Variants in TYW1 observed in about 807,000 individuals in gnomAD.
TYW1 encodes the protein S-adenosyl-L-methionine-dependent tRNA 4-demethylwyosine synthase TYW1.
TYW1 carries 46 observed loss-of-function variants against 96.2 expected under a neutral mutation model. The observed-to-expected ratio is 0.48, with a 90% confidence interval of 0.38 to 0.61. TYW1 has a LOEUF of 0.61. Among genes scored for constraint, TYW1 ranks in the 20% least tolerant of loss-of-function variants. The pLI, the probability that TYW1 is intolerant of heterozygous loss-of-function variation, is 0.00. For synonymous variants in TYW1, 274 were observed against 323.0 expected, an observed-to-expected ratio of 0.85 and a Z score of 1.63; for missense variants, 684 against 909.6, an observed-to-expected ratio of 0.75 and a Z score of 3.19.
At chr7:67,183,104 C>T (rs2687039) in intron 13 of TYW1, 22 bp from the exon 14 acceptor site, 2 of 1,379,618 alleles carry the variant, frequency 1.4e-6, no homozygotes, top group Admixed American at 1.9e-5. Flanking sequence ...TAACAACGAA[C>T]TTGGCTTTTC....
chr7:67,210,437 A>C (rs4636084), intron 15 of TYW1, among the ~76,000 whole-genome samples: 40,638 of 151,898 alleles, frequency 0.27, 5,804 homozygotes, highest in African/African-American at 0.36. Flanking sequence ...AAATTACTGC[A>C]TCTGCTCCTG....
At chr7:67,062,138 C>T (rs1484988369) in intron 9 of TYW1, among the ~76,000 whole-genome samples, 5 of 151,978 alleles carry the variant, frequency 3.3e-5, no homozygotes, top group Non-Finnish European at 5.9e-5. Flanking sequence ...GGGCTGGGTG[C>T]GGTGGCTCAC....
chr7:67,077,860 G>A (rs1383056828), intron 10 of TYW1, among the ~76,000 whole-genome samples: 1 of 152,140 alleles, frequency 6.6e-6, no homozygotes, highest in African/African-American at 2.4e-5. Flanking sequence ...TTCACAGTAT[G>A]TAATTTCACA....
chr7:67,045,589 TA>T (rs1795164709), intron 7 of TYW1, among the ~76,000 whole-genome samples: 1 of 152,244 alleles, frequency 6.6e-6, no homozygotes, highest in South Asian at 2.1e-4. Flanking sequence ...TATTATTCTG[TA>T]AGATTCATGT....
In TYW1 at chr7:67,032,614, C is replaced by G. The variant is rs191035331; in HGVS notation, c.984+7592C>G. On this transcript the variant is annotated intron_variant, in intron 7 of 15. Coordinates refer to ENST00000359626, the MANE Select transcript of TYW1 (RefSeq NM_018264.4). ...CCAGTCTGGGCGATGGGAGTTAGAC[C>G]CTGTCTCAAAGAAAAAAAAGAAAAG... Among the ~76,000 whole-genome samples, 116 of 152,108 alleles carry G rather than the reference C, an allele frequency of 7.6e-4. 2 individuals carry two copies. In the East Asian group the frequency reaches 0.021, roughly 28 times the overall value.
chr7:67,104,573 A>G, intron 12 of TYW1, among the ~76,000 whole-genome samples: 1 of 135,444 alleles, frequency 7.4e-6, no homozygotes. Context: ...GAGCCAGATT[A>G]TATCAGACTC....
intron 13 of TYW1, among the ~76,000 whole-genome samples, chr7:67,125,715 C>G (rs1797893470): frequency 6.6e-6 from 1 of 152,138 alleles, no homozygotes; most frequent in African/African-American, 2.4e-5. Flanking sequence ...CTCCTGTACT[C>G]TGCCTGTTTA....
chr7:67,139,020 C>G (rs1310739522), intron 13 of TYW1, among the ~76,000 whole-genome samples: 1 of 151,928 alleles, frequency 6.6e-6, no homozygotes, highest in Non-Finnish European at 1.5e-5. Context: ...ATAAACTTCT[C>G]TAATGCCTTA....
Position 67,088,103 on chromosome 7 carries a change from G to C in TYW1, c.1384+4564G>C, listed in dbSNP as rs572170134. ...TGGTCTTGAACTCCTGGGCTCAAAT[G>C]ATCCTTCTGCCTGGGCCTCCCAAAG... On this transcript the variant is annotated intron_variant, in intron 11 of 15. Transcript: ENST00000359626. Among the ~76,000 whole-genome samples, 15 of 152,102 alleles carry C rather than the reference G, an allele frequency of 9.9e-5. No homozygotes were observed. In the South Asian group the frequency reaches 3.1e-3, roughly 32 times the overall value.
intron 12 of TYW1, among the ~76,000 whole-genome samples, chr7:67,109,049 G>A (rs1284023382): frequency 6.6e-6 from 1 of 151,694 alleles, no homozygotes; most frequent in Non-Finnish European, 1.5e-5. Flanking sequence ...CGAGGCGGGC[G>A]GATCACGAGG....
intron 9 of TYW1, among the ~76,000 whole-genome samples, chr7:67,065,058 T>C (rs1795816710): frequency 6.6e-6 from 1 of 152,180 alleles, no homozygotes. Context: ...GAAAAATCCT[T>C]TTAGTCCTTC....
At chr7:67,128,877 C>G (rs1311565343) in intron 13 of TYW1, among the ~76,000 whole-genome samples, 1 of 151,934 alleles carries the variant, frequency 6.6e-6, no homozygotes, top group African/African-American at 2.4e-5. Context: ...TTACTAGATA[C>G]GGGGTTTTAC....
intron 15 of TYW1, among the ~76,000 whole-genome samples, chr7:67,214,290 A>G (rs1314249655): frequency 1.3e-5 from 2 of 152,150 alleles, no homozygotes; most frequent in Non-Finnish European, 2.9e-5. Flanking sequence ...TTCAAATTCC[A>G]GTTGTTCCTT....
intron 15 of TYW1, among the ~76,000 whole-genome samples, chr7:67,211,064 C>A (rs1034353852): frequency 1.3e-5 from 2 of 151,096 alleles, no homozygotes; most frequent in African/African-American, 4.9e-5. Context: ...TACCTTATTT[C>A]TTTTGTTGCT....
intron 4 of TYW1, among the ~76,000 whole-genome samples, chr7:67,011,408 A>G (rs1793790887): frequency 6.6e-6 from 1 of 152,146 alleles, no homozygotes; most frequent in Non-Finnish European, 1.5e-5. Context: ...TTCTCCAGTC[A>G]TGCCCAGTTA....
chr7:67,028,469 A>T (rs1794534233), intron 7 of TYW1, among the ~76,000 whole-genome samples: 1 of 152,258 alleles, frequency 6.6e-6, no homozygotes, highest in East Asian at 1.9e-4. Flanking sequence ...TTGGCAAAAC[A>T]CACGAATAAG....
At chr7:67,094,362 A>G (rs1241534211) in intron 11 of TYW1, among the ~76,000 whole-genome samples, 3 of 152,064 alleles carry the variant, frequency 2.0e-5, no homozygotes, top group Non-Finnish European at 4.4e-5. Context: ...CTTTGGTTAG[A>G]TACCCGGTAA....
At chr7:67,238,257 T>C in intron 15 of TYW1, 51 bp from the exon 16 acceptor site, 1 of 1,583,322 alleles carries the variant, frequency 6.3e-7, no homozygotes, top group East Asian at 2.2e-5. Flanking sequence ...ATTCATTTTT[T>C]TTTTCTAGGG....
chr7:67,130,122 T>C (rs1798021959), intron 13 of TYW1, among the ~76,000 whole-genome samples: 1 of 152,092 alleles, frequency 6.6e-6, no homozygotes, highest in Non-Finnish European at 1.5e-5. Context: ...GGCTCATGCC[T>C]CTAATCCCAG....
Sources: gnomAD v4.1 joint callset for allele counts (sites outside exome capture counted in the v4.1 genomes callset) on GRCh38, gnomAD v4.1.1 for gene constraint, MANE v1.5 for transcripts, NCBI Gene and HGNC (gene_info 2026-07-23, HGNC 2026-07-21) for gene names.